CTCF: variants seen among roughly 807,000 people sequenced by gnomAD.
The protein encoded by CTCF is CCCTC-binding factor, also known as transcriptional repressor CTCF.
In CTCF, 7 loss-of-function variants were observed where a neutral mutation model predicts 72.3. The observed-to-expected ratio is 0.10, with a 90% CI of 0.06 to 0.18. The LOEUF is 0.18. Ranked by LOEUF, CTCF falls within the 10% of genes least tolerant of loss-of-function variation. The pLI, the probability that CTCF is intolerant of heterozygous loss-of-function variation, is 1.00. For missense variants in CTCF, 516 were observed against 949.1 expected, an observed-to-expected ratio of 0.54 and a Z score of 6.00; for synonymous variants, 374 against 315.8, an observed-to-expected ratio of 1.18 and a Z score of -1.95.
At chr16:67,604,548 A>G (rs1272409508) in intron 2 of CTCF, among the ~76,000 whole-genome samples, 1 of 151,972 alleles carries the variant, frequency 6.6e-6, no homozygotes, top group African/African-American at 2.4e-5. Flanking sequence ...TCGCCATGTT[A>G]GCCAGGATGG....
At chr16:67,629,177 A>T (rs2052330213) in intron 9 of CTCF, among the ~76,000 whole-genome samples, 1 of 150,818 alleles carries the variant, frequency 6.6e-6, no homozygotes, top group Non-Finnish European at 1.5e-5. Context: ...CAGAACTAAG[A>T]GCTGGTCTGA....
intron 2 of CTCF, among the ~76,000 whole-genome samples, chr16:67,582,505 C>T (rs1475104632): frequency 2.0e-5 from 3 of 151,994 alleles, no homozygotes; most frequent in Non-Finnish European, 4.4e-5. Flanking sequence ...CCAGCTTGGG[C>T]GACATGATGA....
At chr16:67,607,340 C>G (rs1178310817) in intron 2 of CTCF, among the ~76,000 whole-genome samples, 2 of 151,528 alleles carry the variant, frequency 1.3e-5, no homozygotes, top group African/African-American at 2.4e-5. Flanking sequence ...GAGTCTCACT[C>G]TGTCGCCCAG....
intron 2 of CTCF, among the ~76,000 whole-genome samples, chr16:67,576,050 A>G (rs1468516342): frequency 6.7e-6 from 1 of 148,772 alleles, no homozygotes; most frequent in African/African-American, 2.5e-5. Context: ...AGTCTCAGCT[A>G]CTTGGGAGGC....
chr16:67,571,025 G>T (rs1310172982), intron 1 of CTCF, 123 bp from the exon 2 acceptor site: 1 of 152,146 alleles, frequency 6.6e-6, no homozygotes, highest in Non-Finnish European at 1.5e-5. Context: ...GACATGACAT[G>T]AACAGGTGTT....
chr16:67,633,983 T>TA (rs1159766980), intron 10 of CTCF, among the ~76,000 whole-genome samples: 1 of 152,102 alleles, frequency 6.6e-6, no homozygotes, highest in African/African-American at 2.4e-5. Context: ...GGTCTAAAGC[T>TA]AAAAGGAAAA....
intron 2 of CTCF, among the ~76,000 whole-genome samples, chr16:67,575,989 T>TAA (rs35681914): frequency 1.7e-3 from 190 of 114,118 alleles, no homozygotes; most frequent in South Asian, 5.0e-3. Context: ...ACCTTGTCTG[T>TAA]AAAAAAAAAA....
At chr16:67,586,570 T>C (rs1297577401) in intron 2 of CTCF, among the ~76,000 whole-genome samples, 1 of 151,784 alleles carries the variant, frequency 6.6e-6, no homozygotes, top group East Asian at 1.9e-4. Flanking sequence ...GCATGGCCCC[T>C]GTATTCCCAG....
intron 10 of CTCF, among the ~76,000 whole-genome samples, chr16:67,634,806 C>T (rs1015878383): frequency 4.0e-5 from 6 of 150,440 alleles, no homozygotes; most frequent in Non-Finnish European, 7.4e-5. Context: ...CGGGTTCAAG[C>T]AATTCTTCTG....
At chr16:67,627,647 A>AT (rs2052307790) in intron 8 of CTCF, 1 of 151,264 alleles carries the variant, frequency 6.6e-6, no homozygotes, top group Non-Finnish European at 1.5e-5. Context: ...AAAAAAAAAA[A>AT]ACAAAAAAAC....
intron 2 of CTCF, among the ~76,000 whole-genome samples, chr16:67,606,370 C>T (rs1016601186): frequency 6.6e-6 from 1 of 152,220 alleles, no homozygotes; most frequent in Non-Finnish European, 1.5e-5. Context: ...TTTTCTATCA[C>T]ACCTGGTTAT....
chr16:67,630,873 A>C (rs2052353399), intron 10 of CTCF, among the ~76,000 whole-genome samples: 1 of 152,180 alleles, frequency 6.6e-6, no homozygotes, highest in Non-Finnish European at 1.5e-5. Context: ...TGTAGTGTGG[A>C]TATCTAGGTT....
At chr16:67,578,321 G>A (rs1052049413) in intron 2 of CTCF, among the ~76,000 whole-genome samples, 1 of 124,676 alleles carries the variant, frequency 8.0e-6, no homozygotes, top group Non-Finnish European at 1.7e-5. Context: ...ATGAGTTTAT[G>A]TATCTTTTTT....
At chr16:67,580,453 C>T (rs1202083777) in intron 2 of CTCF, among the ~76,000 whole-genome samples, 1 of 152,176 alleles carries the variant, frequency 6.6e-6, no homozygotes, top group Non-Finnish European at 1.5e-5. Context: ...ATCCCCTCCT[C>T]CCAGGCCATC....
intron 2 of CTCF, among the ~76,000 whole-genome samples, chr16:67,588,089 C>T (rs1397276303): frequency 1.3e-5 from 2 of 152,088 alleles, no homozygotes; most frequent in Non-Finnish European, 2.9e-5. Context: ...AACTCCTGAC[C>T]TCAGGTGATT....
intron 2 of CTCF, among the ~76,000 whole-genome samples, chr16:67,585,319 G>A (rs1005852017): frequency 1.3e-5 from 2 of 152,116 alleles, no homozygotes; most frequent in African/African-American, 4.8e-5. Context: ...CAAAGTGCTG[G>A]GATTACAGGC....
At chr16:67,620,938 T>C in intron 6 of CTCF, 121 bp downstream of exon 6, 4 of 769,110 alleles carry the variant, frequency 5.2e-6, no homozygotes, top group Non-Finnish European at 7.6e-6. Context: ...GAAAATAGTA[T>C]GGAATTGATA....
At chr16:67,625,956 C>T (rs535986973) in intron 7 of CTCF, among the ~76,000 whole-genome samples, 9 of 152,188 alleles carry the variant, frequency 5.9e-5, no homozygotes, top group Non-Finnish European at 1.0e-4. Flanking sequence ...GTCACTAAAT[C>T]CTGTTGATTC....
chr16:67,628,328 C>T, intron 8 of CTCF, 42 bp from the exon 9 acceptor site: 1 of 1,587,574 alleles, frequency 6.3e-7, no homozygotes, highest in Non-Finnish European at 8.6e-7. Context: ...GGCAGTAGCC[C>T]CATGAGCAGG....
Sources: allele counts gnomAD v4.1 joint callset (sites outside exome capture counted in the v4.1 genomes callset), GRCh38; gene constraint gnomAD v4.1.1; transcripts MANE v1.5; gene names NCBI Gene and HGNC (gene_info 2026-07-23, HGNC 2026-07-21).